The following ARPP21 variants were observed in gnomAD, a reference collection of about 807,000 sequenced individuals.
ARPP21 encodes cAMP-regulated phosphoprotein 21.
In ARPP21, 69 loss-of-function variants were observed where a neutral mutation model predicts 113.2. The observed-to-expected ratio is 0.61, with a 90% CI of 0.50 to 0.74. ARPP21 has a LOEUF of 0.74. Among genes scored for constraint, ARPP21 ranks in the 30% least tolerant of loss-of-function variants. The pLI is 0.00. For missense variants in ARPP21, 1,070 were observed against 1,037.4 expected, an observed-to-expected ratio of 1.03 and a Z score of -0.43; for synonymous variants, 368 against 375.5, an observed-to-expected ratio of 0.98 and a Z score of 0.23.
intron 12 of ARPP21, 131 bp downstream of exon 12, chr3:35,715,607 GC>G: frequency 1.5e-6 from 1 of 680,116 alleles, no homozygotes; most frequent in Non-Finnish European, 2.5e-6. Flanking sequence ...ATATATCTAT[GC>G]GTACACACAT....
intron 14 of ARPP21, among the ~76,000 whole-genome samples, chr3:35,723,269 C>G (rs1014709671): frequency 2.0e-5 from 3 of 152,174 alleles, no homozygotes; most frequent in Non-Finnish European, 4.4e-5. Flanking sequence ...AATCTGGGTT[C>G]ATTTGCTAAT....
intron 8 of ARPP21, 70 bp downstream of exon 8, chr3:35,690,210 T>C: frequency 2.5e-6 from 2 of 797,938 alleles, no homozygotes; most frequent in Middle Eastern, 2.3e-4. Flanking sequence ...AAATTGTCCA[T>C]TCTGGAAAGA....
At chr3:35,699,821 C>T (rs2085577534) in intron 9 of ARPP21, among the ~76,000 whole-genome samples, 1 of 151,626 alleles carries the variant, frequency 6.6e-6, no homozygotes, top group South Asian at 2.1e-4. Context: ...AATATATAAG[C>T]AGAAAGCCTT....
chr3:35,743,757 TA>T, intron 18 of ARPP21, 81 bp from the exon 19 acceptor site: 1 of 1,468,922 alleles, frequency 6.8e-7, no homozygotes, highest in Non-Finnish European at 9.5e-7. Context: ...ACCACAATTA[TA>T]AGACGAAAGC....
At chr3:35,771,399 G>T (rs1007995636) in intron 19 of ARPP21, among the ~76,000 whole-genome samples, 1 of 151,888 alleles carries the variant, frequency 6.6e-6, no homozygotes, top group Non-Finnish European at 1.5e-5. Context: ...CATGATCTCA[G>T]CTCACTGCAA....
intron 13 of ARPP21, among the ~76,000 whole-genome samples, chr3:35,719,989 C>T (rs905447575): frequency 1.3e-5 from 2 of 152,132 alleles, no homozygotes; most frequent in South Asian, 2.1e-4. Flanking sequence ...TTTATTTCTC[C>T]GCTCTATCTC....
chr3:35,678,194 C>T (rs995228999), intron 1 of ARPP21, among the ~76,000 whole-genome samples: 1 of 151,992 alleles, frequency 6.6e-6, no homozygotes, highest in South Asian at 2.1e-4. Flanking sequence ...GCATCTAAGA[C>T]TTAGTTTTGG....
At chr3:35,756,550 G>C (rs545570654) in intron 19 of ARPP21, among the ~76,000 whole-genome samples, 20 of 151,844 alleles carry the variant, frequency 1.3e-4, no homozygotes, top group Admixed American at 9.8e-4. Context: ...TGATAGTTTT[G>C]ATGGCTCTTC....
intron 2 of ARPP21, 89 bp from the exon 3 acceptor site, chr3:35,681,625 A>G: frequency 1.4e-6 from 1 of 703,786 alleles, no homozygotes; most frequent in Non-Finnish European, 2.3e-6. Flanking sequence ...GCTCATTTGG[A>G]TTTGAATATG....
intron 19 of ARPP21, among the ~76,000 whole-genome samples, chr3:35,749,672 AG>A (rs1431385734): frequency 6.6e-6 from 1 of 152,088 alleles, no homozygotes; most frequent in African/African-American, 2.4e-5. Flanking sequence ...AGAGATTTTC[AG>A]AAACATTTTT....
chr3:35,707,522 A>G (rs2089617424), intron 10 of ARPP21: 2 of 458,698 alleles, frequency 4.4e-6, no homozygotes, highest in African/African-American at 4.0e-5. Context: ...GTGTAGCTGT[A>G]AAGAACAAAC....
intron 15 of ARPP21, among the ~76,000 whole-genome samples, chr3:35,732,324 C>G (rs2094040553): frequency 6.6e-6 from 1 of 152,206 alleles, no homozygotes; most frequent in Non-Finnish European, 1.5e-5. Flanking sequence ...TATACCCTTG[C>G]AGTTTCCCCA....
chr3:35,707,097 T>C lies in ARPP21; in HGVS notation c.795+15T>C. 6.3e-7 allele frequency: 1 copy of C among 1,586,118 alleles called. No homozygotes were observed. Among genetic ancestry groups the C allele is most frequent in the South Asian group, 1.1e-5 (1 of 89,812 alleles). On this transcript the variant is annotated intron_variant, in intron 10 of 20. Coordinates refer to ENST00000684406, the MANE Select transcript of ARPP21 (RefSeq NM_001385562.1). ...AAGACAATCAGGTTGGTTCTCAAGT[T>C]TGAGAGTGGCTGACATTGTTGTTTT...
At chr3:35,787,148 G>T (rs572904401) in intron 19 of ARPP21, among the ~76,000 whole-genome samples, 65 of 152,224 alleles carry the variant, frequency 4.3e-4, no homozygotes, top group African/African-American at 1.5e-3. Flanking sequence ...TATTTCTCCA[G>T]GCCTTCATCT....
chr3:35,696,145 G>C (rs559494074), intron 9 of ARPP21, among the ~76,000 whole-genome samples: 1 of 151,658 alleles, frequency 6.6e-6, no homozygotes, highest in African/African-American at 2.4e-5. Flanking sequence ...ACTTTAGAAA[G>C]GTTAGTCTGG....
At chr3:35,734,312 T>C (rs895398728) in intron 15 of ARPP21, among the ~76,000 whole-genome samples, 1 of 152,204 alleles carries the variant, frequency 6.6e-6, no homozygotes, top group Non-Finnish European at 1.5e-5. Flanking sequence ...CTTTTAAAAA[T>C]CATTTTCCAA....
At chr3:35,681,083 A>C (rs1056142588) in intron 2 of ARPP21, 1 of 151,778 alleles carries the variant, frequency 6.6e-6, no homozygotes, top group East Asian at 1.9e-4. Flanking sequence ...AACTGACAGG[A>C]GCTTGGGAGC....
intron 19 of ARPP21, among the ~76,000 whole-genome samples, chr3:35,757,056 G>A (rs1003234830): frequency 1.0e-4 from 15 of 148,544 alleles, no homozygotes; most frequent in Non-Finnish European, 1.9e-4. Flanking sequence ...AGGGTTTGAA[G>A]TGCCTTTTAG....
chr3:35,780,407 G>T (rs2096494241), intron 19 of ARPP21, among the ~76,000 whole-genome samples: 1 of 152,172 alleles, frequency 6.6e-6, no homozygotes, highest in South Asian at 2.1e-4. Flanking sequence ...ATTGGTTATT[G>T]CCAGAGGCTG....
Sources: gnomAD v4.1 joint callset for allele counts (sites outside exome capture counted in the v4.1 genomes callset) on GRCh38, gnomAD v4.1.1 for gene constraint, MANE v1.5 for transcripts, NCBI Gene and HGNC (gene_info 2026-07-23, HGNC 2026-07-21) for gene names.